Variants in KDM5A observed in about 807,000 individuals in gnomAD.
KDM5A encodes lysine demethylase 5A.
Under a neutral mutation model 193.5 loss-of-function variants are expected in KDM5A, and 42 were observed. The observed-to-expected ratio is 0.22, with a 90% CI of 0.17 to 0.28. KDM5A has a LOEUF of 0.28. Ranked by LOEUF, KDM5A falls within the 10% of genes least tolerant of loss-of-function variation. The pLI is 1.00. For missense variants in KDM5A, 1,692 were observed against 2,055.1 expected (o/e 0.82, Z 3.42); for synonymous variants, 796 against 718.1 (o/e 1.11, Z -1.73).
In KDM5A at chr12:363,040, T is replaced by C. The variant is rs377006405; in HGVS notation, c.595A>G (p.Thr199Ala). The C allele has an allele frequency of 3.1e-6, 5 of 1,613,964 alleles. No homozygotes were observed. The highest frequency in any genetic ancestry group is 1.3e-5 in the African/African-American group (1 of 74,922). ...KEKVEPEVLS[T>A]DTQTSPEPGT... ...GGCTCTGGGGAAGTTTGGGTATCAG[T>C]GCTGAGAACCTCAGGCTCCACTTTT... Residue 199 changes from threonine to alanine, a missense_variant, in exon 5 of 28, where the codon ACT (threonine) becomes GCT (alanine). Transcript: ENST00000399788.
intron 26 of KDM5A, 124 bp from the exon 27 acceptor site, chr12:293,293 A>T: frequency 1.3e-6 from 1 of 774,716 alleles, no homozygotes; most frequent in Non-Finnish European, 2.0e-6. Context: ...AGAGGTTACC[A>T]GAGGCTGAAG....
At chr12:362,601 TG>T (rs2137466109) in intron 5 of KDM5A, among the ~76,000 whole-genome samples, 1 of 152,376 alleles carries the variant, frequency 6.6e-6, no homozygotes, top group South Asian at 2.1e-4. Flanking sequence ...CCCTCTTATT[TG>T]TCATCCCTGT....
chr12:319,200 G>T (rs1943686278), intron 18 of KDM5A, among the ~76,000 whole-genome samples: 1 of 152,128 alleles, frequency 6.6e-6, no homozygotes, highest in Non-Finnish European at 1.5e-5. Context: ...GATGTGATTT[G>T]ATTTAAAATT....
At chr12:305,972 T>TTTTG (rs1254989072) in intron 24 of KDM5A, among the ~76,000 whole-genome samples, 1 of 143,810 alleles carries the variant, frequency 7.0e-6, no homozygotes, top group South Asian at 2.6e-4. Context: ...TGGAAGTGTT[T>TTTTG]TTTTTTTTTT....
chr12:321,324 A>G (rs140507809), intron 17 of KDM5A, among the ~76,000 whole-genome samples: 1 of 152,304 alleles, frequency 6.6e-6, no homozygotes, highest in African/African-American at 2.4e-5. Flanking sequence ...TCGATCTACA[A>G]GTATTAAACA....
At chr12:311,488 A>T (rs999037339) in intron 20 of KDM5A, among the ~76,000 whole-genome samples, 1 of 151,996 alleles carries the variant, frequency 6.6e-6, no homozygotes, top group African/African-American at 2.4e-5. Flanking sequence ...GTAGAGAGAC[A>T]GCCCTTTGAA....
rs1045145211 is a variant in KDM5A, at chr12:285,648, T to C, written c.4881A>G (p.Gln1627=). 1.1e-5 allele frequency: 17 copies of C among 1,613,762 alleles called. No individual in the cohort carries two copies. In the Admixed American group the frequency reaches 1.5e-4, roughly 14 times the overall value. ...RPCKDKVDWV[Q]CDGGCDEWFH... ...ACCACTCATCACAGCCACCATCACA[T>C]TGTACCCAGTCTACCTGTAGGAAAC... Residue 1627 remains glutamine (Q), a synonymous_variant, in exon 28 of 28, where the codon CAA becomes CAG. Coordinates refer to ENST00000399788, the MANE Select transcript of KDM5A (RefSeq NM_001042603.3).
At position 281,741 on chromosome 12, in the gene KDM5A, A is replaced by T; in HGVS notation, c.*3715T>A. ...TTTCCCTTAAAAAGTGGATAAACCC[A>T]TCTTTTGAAAGACAGGTCTTCTCAG... is the stretch of plus-strand genomic sequence containing the variant. On this transcript the variant is annotated 3_prime_UTR_variant, in exon 28 of 28. Transcript: ENST00000399788. 4.3e-6 allele frequency: 1 copy of T among 234,810 alleles called. No homozygotes were observed. The highest frequency in any genetic ancestry group is 1.7e-4 in the South Asian group (1 of 5,898). The allele number at this position is 234,810 out of a possible 1,614,324, so 14.5% of individuals were successfully genotyped here. A position where few individuals can be genotyped will look rare whatever the true frequency, so the allele number is the denominator to read the frequency against.
chr12:369,197 T>C (rs1305981601), intron 3 of KDM5A, among the ~76,000 whole-genome samples: 1 of 152,126 alleles, frequency 6.6e-6, no homozygotes, highest in African/African-American at 2.4e-5. Context: ...GGGAAAATCA[T>C]ACAGAGACAA....
chr12:293,830 G>C (rs1591897637), intron 26 of KDM5A, among the ~76,000 whole-genome samples: 1 of 128,208 alleles, frequency 7.8e-6, no homozygotes, highest in South Asian at 2.4e-4. Flanking sequence ...ATATTCAAAA[G>C]ACATTTTAAG....
Position 311,152 on chromosome 12 carries a change from T to C in KDM5A, c.3037-88A>G, listed in dbSNP as rs1270838605. On this transcript the variant is annotated intron_variant, in intron 20 of 27. Coordinates refer to ENST00000399788, the MANE Select transcript of KDM5A (RefSeq NM_001042603.3). ...TGAAAGACCTTACAAAGTTTAGTGT[T>C]AGTTCTTTTATTAAATATTATTCTT... The C allele has an allele frequency of 2.7e-6, 3 of 1,106,758 alleles. No individual in the cohort carries two copies. In the East Asian group the frequency reaches 7.4e-5, roughly 27 times the overall value. The allele number at this position is 1,106,758 out of a possible 1,614,324, so 68.6% of individuals were successfully genotyped here. A position where few individuals can be genotyped will look rare whatever the true frequency, so the allele number is the denominator to read the frequency against.
intron 24 of KDM5A, among the ~76,000 whole-genome samples, chr12:305,967 G>GTATT (rs1399266417): frequency 2.0e-4 from 22 of 107,356 alleles, no homozygotes; most frequent in Non-Finnish European, 3.3e-4. Context: ...AGCAATGGAA[G>GTATT]TGTTTTTTTT....
chr12:301,422 A>G (rs1013336577), intron 24 of KDM5A, among the ~76,000 whole-genome samples: 1 of 152,228 alleles, frequency 6.6e-6, no homozygotes, highest in Non-Finnish European at 1.5e-5. Context: ...AACCAATGAT[A>G]AAAACCACAT....
At chr12:326,568 C>T (rs1261994934) in intron 14 of KDM5A, among the ~76,000 whole-genome samples, 1 of 152,096 alleles carries the variant, frequency 6.6e-6, no homozygotes, top group East Asian at 1.9e-4. Flanking sequence ...CAGAAAGAAA[C>T]CACTGGATTT....
chr12:330,987 C>T (rs1198682141), intron 13 of KDM5A, among the ~76,000 whole-genome samples: 1 of 152,048 alleles, frequency 6.6e-6, no homozygotes, highest in Non-Finnish European at 1.5e-5. Context: ...TGATTATCTA[C>T]TTCATACAAA....
Position 352,315 on chromosome 12 carries a change from T to G in KDM5A, c.1039A>C (p.Lys347Gln). The G allele has an allele frequency of 1.2e-6, 2 of 1,613,626 alleles. No individual in the cohort carries two copies. Among genetic ancestry groups the G allele is most frequent in the Non-Finnish European group, 1.7e-6 (2 of 1,179,574 alleles). ...TCAAATCCAAAGGCTTCTCGAGGTT[T>G]GCTACATTCCTGGAAAGAAAAAATA... ...CPKCVAEECSKPREAFGFEQA... is the reference protein window; with the variant it reads ...CPKCVAEECSQPREAFGFEQA... Residue 347 changes from lysine to glutamine, a missense_variant, in exon 9 of 28, where the codon AAA becomes CAA. By Grantham distance (53) the Lys-to-Gln change is moderately conservative (BLOSUM62 1). This residue lies in a region of KDM5A where 62 missense variants were observed against 107.1 expected (regional missense o/e 0.58). Transcript: ENST00000399788.
intron 10 of KDM5A, among the ~76,000 whole-genome samples, chr12:334,642 C>T (rs567637626): frequency 1.1e-4 from 17 of 152,094 alleles, no homozygotes; most frequent in Non-Finnish European, 2.2e-4. Flanking sequence ...ATTTCAGATA[C>T]CTCTGGTTTA....
chr12:307,757 T>C lies in KDM5A; in HGVS notation c.3627A>G (p.Lys1209=), dbSNP rs750000802. The part of the protein sequence containing the change: ...KGSSWQAKEV[K]FLCPLCMRSR... Reference sequence around the variant, plus strand: ...ACCGCATACAAAGAGGGCAAAGGAATTTTACTTCTTTAGCTTGCCAGCTGG... The same window carrying C: ...ACCGCATACAAAGAGGGCAAAGGAACTTTACTTCTTTAGCTTGCCAGCTGG... Residue 1209 remains lysine, a synonymous_variant, in exon 23 of 28, where the codon AAA becomes AAG. Transcript: ENST00000399788. The surrounding 1 kb of genome is among the most constrained non-coding windows in gnomAD (Gnocchi z 4.3). 6.8e-6 allele frequency: 11 copies of C among 1,614,088 alleles called. No individual in the cohort carries two copies. The African/African-American group carries it at 1.5e-4, about 22-fold the overall frequency.
intron 10 of KDM5A, among the ~76,000 whole-genome samples, chr12:335,977 A>G (rs1943926476): frequency 7.0e-6 from 1 of 143,776 alleles, no homozygotes; most frequent in South Asian, 2.3e-4. Context: ...CGGGAGGCAG[A>G]GATTGCAGTG....
Sources: allele counts gnomAD v4.1 joint callset (sites outside exome capture counted in the v4.1 genomes callset), GRCh38; gene constraint gnomAD v4.1.1; regional missense constraint gnomAD v4.1.1; non-coding constraint Gnocchi (gnomAD v3.1); transcripts MANE v1.5; gene names NCBI Gene and HGNC (gene_info 2026-07-23, HGNC 2026-07-21).